The following ADAMTS19 variants were observed in gnomAD, a reference collection of about 807,000 sequenced individuals.
ADAMTS19 encodes A disintegrin and metalloproteinase with thrombospondin motifs 19.
ADAMTS19 carries 93 observed loss-of-function variants against 153.3 expected under a neutral mutation model. That is an observed-to-expected ratio of 0.61 (90% CI 0.51 to 0.72). ADAMTS19 has a LOEUF of 0.72. ADAMTS19 is among the 30% of genes least tolerant of loss of function. The pLI, the probability that ADAMTS19 is intolerant of heterozygous loss-of-function variation, is 0.00. For synonymous variants in ADAMTS19, 600 were observed against 556.6 expected (o/e 1.08, Z -1.10); for missense variants, 1,482 against 1,552.1 (o/e 0.95, Z 0.76).
intron 16 of ADAMTS19, among the ~76,000 whole-genome samples, chr5:129,679,190 T>C (rs552102541): frequency 6.6e-6 from 1 of 152,328 alleles, no homozygotes; most frequent in Non-Finnish European, 1.5e-5. Context: ...TCTTCCATTC[T>C]TGTTCACAGC....
At chr5:129,496,608 C>T (rs1471753962) in intron 2 of ADAMTS19, among the ~76,000 whole-genome samples, 3 of 151,816 alleles carry the variant, frequency 2.0e-5, no homozygotes, top group African/African-American at 2.4e-5. Flanking sequence ...ACCAGTAAGA[C>T]CTGGCAGTGA....
At chr5:129,514,890 A>C (rs902830033) in intron 3 of ADAMTS19, among the ~76,000 whole-genome samples, 1 of 151,974 alleles carries the variant, frequency 6.6e-6, no homozygotes, top group Non-Finnish European at 1.5e-5. Flanking sequence ...GATTTTCCCC[A>C]AAGTTTTCTT....
At chr5:129,672,856 A>G (rs1272156673) in intron 16 of ADAMTS19, among the ~76,000 whole-genome samples, 1 of 152,030 alleles carries the variant, frequency 6.6e-6, no homozygotes, top group Non-Finnish European at 1.5e-5. Context: ...ATGGCTATTC[A>G]GATATTCTTA....
chr5:129,720,698 G>A (rs901760843), intron 21 of ADAMTS19, among the ~76,000 whole-genome samples: 7 of 152,168 alleles, frequency 4.6e-5, no homozygotes, highest in African/African-American at 1.7e-4. Context: ...GAGTGCAGAA[G>A]CCATACAAGA....
At chr5:129,600,014 AC>A (rs1361704555) in intron 8 of ADAMTS19, among the ~76,000 whole-genome samples, 1 of 152,224 alleles carries the variant, frequency 6.6e-6, no homozygotes, top group South Asian at 2.1e-4. Context: ...TTATAAAAAA[AC>A]AAACAGGAAG....
At chr5:129,522,030 T>TA (rs1351624589) in intron 3 of ADAMTS19, among the ~76,000 whole-genome samples, 2 of 151,874 alleles carry the variant, frequency 1.3e-5, no homozygotes, top group Non-Finnish European at 2.9e-5. Context: ...TCTTTTTAGT[T>TA]ATTGGATGTA....
intron 6 of ADAMTS19, among the ~76,000 whole-genome samples, chr5:129,541,884 G>C (rs1752665140): frequency 1.3e-5 from 2 of 152,032 alleles, no homozygotes; most frequent in Admixed American, 6.6e-5. Context: ...CAGGCGTGAT[G>C]TTCTCATAAA....
intron 7 of ADAMTS19, among the ~76,000 whole-genome samples, chr5:129,580,486 A>G (rs1409787827): frequency 1.3e-5 from 2 of 152,158 alleles, no homozygotes; most frequent in East Asian, 3.9e-4. Flanking sequence ...AGGAGTAGTG[A>G]AAGAGGGCAT....
chr5:129,480,627 T>C (rs904552086), intron 2 of ADAMTS19, among the ~76,000 whole-genome samples: 12 of 152,066 alleles, frequency 7.9e-5, no homozygotes, highest in African/African-American at 2.7e-4. Context: ...GGAAAAAAAG[T>C]TCGTGAAAAA....
rs185743715 is a variant in ADAMTS19 at position 129,500,907 on chromosome 5, C to T, written c.748-8170C>T. Among the ~76,000 whole-genome samples, 81 of 152,120 alleles carry T rather than the reference C, an allele frequency of 5.3e-4. 1 individual carries two copies. The East Asian group carries it at 7.5e-3, about 14-fold the overall frequency. On this transcript the variant is annotated intron_variant, in intron 2 of 22. Transcript: ENST00000274487. Reference sequence around the variant, plus strand: ...TGGCAATTAAAAAACACACAAAGATCGCATAATGCTATTAAGAAACAAGCT... The same window carrying T: ...TGGCAATTAAAAAACACACAAAGATTGCATAATGCTATTAAGAAACAAGCT...
At chr5:129,526,677 CA>C (rs1752019647) in intron 4 of ADAMTS19, among the ~76,000 whole-genome samples, 1 of 151,728 alleles carries the variant, frequency 6.6e-6, no homozygotes, top group South Asian at 2.1e-4. Flanking sequence ...TTTGATGTGG[CA>C]AAGCTCTTTC....
At chr5:129,654,105 G>A (rs1581190545) in intron 13 of ADAMTS19, among the ~76,000 whole-genome samples, 1 of 152,096 alleles carries the variant, frequency 6.6e-6, no homozygotes, top group Non-Finnish European at 1.5e-5. Context: ...TTTCTTAGAA[G>A]ATTAATATTC....
At chr5:129,467,507 T>G (rs1347512566) in intron 2 of ADAMTS19, among the ~76,000 whole-genome samples, 1 of 152,148 alleles carries the variant, frequency 6.6e-6, no homozygotes, top group Non-Finnish European at 1.5e-5. Context: ...TAGATATACA[T>G]TCACAGAATA....
At chr5:129,692,920 C>T (rs25803) in intron 18 of ADAMTS19, among the ~76,000 whole-genome samples, 117,332 of 152,030 alleles carry the variant, frequency 0.77, 45,435 homozygotes, top group Non-Finnish European at 0.8. Context: ...GACACTCTTG[C>T]CTATATGGAG....
chr5:129,718,693 T>G (rs1581258867), intron 21 of ADAMTS19, among the ~76,000 whole-genome samples: 1 of 152,314 alleles, frequency 6.6e-6, no homozygotes, highest in East Asian at 1.9e-4. Context: ...CTGTGAATGC[T>G]ATTTCTTGTT....
intron 2 of ADAMTS19, among the ~76,000 whole-genome samples, chr5:129,501,192 T>C (rs1450160971): frequency 6.6e-6 from 1 of 151,764 alleles, no homozygotes; most frequent in Non-Finnish European, 1.5e-5. Flanking sequence ...GGAAAGAAAA[T>C]AGAAAAGAGA....
At chr5:129,602,122 C>T (rs1327332291) in intron 8 of ADAMTS19, among the ~76,000 whole-genome samples, 1 of 152,150 alleles carries the variant, frequency 6.6e-6, no homozygotes, top group South Asian at 2.1e-4. Context: ...GACGGAGTTT[C>T]ACTCTTGTTG....
At chr5:129,695,059 G>A (rs976287244) in intron 19 of ADAMTS19, among the ~76,000 whole-genome samples, 12 of 152,276 alleles carry the variant, frequency 7.9e-5, no homozygotes, top group Admixed American at 6.5e-4. Context: ...GGGGTATTGG[G>A]AGGGATGGTT....
chr5:129,549,666 C>T (rs1181779455), intron 6 of ADAMTS19, among the ~76,000 whole-genome samples: 1 of 151,044 alleles, frequency 6.6e-6, no homozygotes, highest in Non-Finnish European at 1.5e-5. Context: ...ATTGATTATT[C>T]TACTTAACAA....
Sources: gnomAD v4.1 joint callset for allele counts (sites outside exome capture counted in the v4.1 genomes callset) on GRCh38, gnomAD v4.1.1 for gene constraint, MANE v1.5 for transcripts, NCBI Gene and HGNC (gene_info 2026-07-23, HGNC 2026-07-21) for gene names.